The following FBN1 variants were observed in gnomAD, a reference collection of about 807,000 sequenced individuals.
FBN1 encodes fibrillin-1.
FBN1 carries 29 observed loss-of-function variants against 365.1 expected under a neutral mutation model. That is an observed-to-expected ratio of 0.08 (90% CI 0.06 to 0.11). FBN1 has a LOEUF of 0.11. Ranked by LOEUF, FBN1 falls within the 10% of genes least tolerant of loss-of-function variation. The probability of loss-of-function intolerance (pLI) is 1.00; values close to 1 mark genes in which losing one functional copy is unlikely to be tolerated. For missense variants in FBN1, 2,476 were observed against 3,703.2 expected (o/e 0.67, Z 8.60); for synonymous variants, 1,210 against 1,270.5 (o/e 0.95, Z 1.01).
chr15:48,488,427 C>G lies in FBN1; in HGVS notation c.3149G>C (p.Ser1050Thr), dbSNP rs987202268. The part of the protein sequence containing the change: ...THGKCRNTIG[S>T]FKCRCDSGFA... ...GCCGCTGTCACACCTGCACTTAAAG[C>G]TGCCAATGGTGTTTCTGCACTTGCC... The change falls in exon 26 of 66, where the codon AGC (serine) becomes ACC (threonine). Residue 1050 changes from serine (S) to threonine (T), a missense_variant. This residue lies in a region of FBN1 where 1,780 missense variants were observed against 2,840.8 expected (regional missense o/e 0.63). Coordinates refer to ENST00000316623, the MANE Select transcript of FBN1 (RefSeq NM_000138.5). 2.5e-6 allele frequency: 4 copies of G among 1,614,234 alleles called. No homozygotes were observed. The highest frequency in any genetic ancestry group is 3.4e-6 in the Non-Finnish European group (4 of 1,180,036).
chr15:48,412,908 G>A (rs1214071705), intron 64 of FBN1, among the ~76,000 whole-genome samples, 165 bp from the exon 65 acceptor site: 1 of 152,206 alleles, frequency 6.6e-6, no homozygotes, highest in African/African-American at 2.4e-5. Context: ...TCCTCTGTTT[G>A]GCCTCTAATT....
chr15:48,530,723 C>T (rs933436613), intron 8 of FBN1, among the ~76,000 whole-genome samples: 2 of 152,146 alleles, frequency 1.3e-5, no homozygotes. Flanking sequence ...GAGCCCCTAA[C>T]AGTAAGTAGC....
At chr15:48,437,453 T>G in intron 51 of FBN1, 66 bp from the exon 52 acceptor site, 1 of 1,354,598 alleles carries the variant, frequency 7.4e-7, no homozygotes, top group Non-Finnish European at 1.1e-6. Context: ...TCCACAAGTA[T>G]TTTGAGGTAG....
chr15:48,482,254 T>A (rs1051615030), intron 31 of FBN1, among the ~76,000 whole-genome samples: 36 of 152,224 alleles, frequency 2.4e-4, no homozygotes, highest in Admixed American at 2.0e-4. Flanking sequence ...TTCATTTTAA[T>A]TCTAGGACTT....
At chr15:48,460,073 G>T (rs977230182) in intron 43 of FBN1, among the ~76,000 whole-genome samples, 173 bp downstream of exon 43, 1 of 152,228 alleles carries the variant, frequency 6.6e-6, no homozygotes, top group African/African-American at 2.4e-5. Flanking sequence ...CAATTAGGTG[G>T]AGCTGCACAG....
chr15:48,445,437 C>T lies in FBN1; in HGVS notation c.5856G>A (p.Gly1952=), dbSNP rs763490270. Residue 1952 remains glycine (G), a synonymous_variant, in exon 48 of 66, where the codon GGG becomes GGA. Coordinates refer to ENST00000316623, the MANE Select transcript of FBN1 (RefSeq NM_000138.5). ...CRNGQCINTV[G]SFQCQCNEGY... is the part of the protein sequence containing the mutation. ...CTTCATTGCACTGGCACTGGAAAGACCCCACTGTATTAATGCATTGGCCAT... is the reference window on the plus strand; with the variant it reads ...CTTCATTGCACTGGCACTGGAAAGATCCCACTGTATTAATGCATTGGCCAT... 3.1e-6 allele frequency: 5 copies of T among 1,612,600 alleles called. No homozygotes were observed. Among genetic ancestry groups the T allele is most frequent in the Non-Finnish European group, 4.2e-6 (5 of 1,179,180 alleles).
chr15:48,562,931 G>A (rs2044234331), intron 6 of FBN1, among the ~76,000 whole-genome samples: 1 of 152,168 alleles, frequency 6.6e-6, no homozygotes, highest in South Asian at 2.1e-4. Flanking sequence ...TAAATGAAGA[G>A]ATTGTACCAA....
At chr15:48,575,466 A>G (rs180959856) in intron 6 of FBN1, among the ~76,000 whole-genome samples, 45 of 152,208 alleles carry the variant, frequency 3.0e-4, no homozygotes, top group African/African-American at 1.1e-3. Flanking sequence ...CATTGTACCC[A>G]ATAGGTAATT....
intron 42 of FBN1, 35 bp downstream of exon 42, chr15:48,463,047 C>A (rs1280512415): frequency 3.1e-6 from 5 of 1,599,786 alleles, no homozygotes; most frequent in Non-Finnish European, 3.4e-6. Flanking sequence ...AATTTTTCAA[C>A]CTATATTTTT....
intron 45 of FBN1, 64 bp from the exon 46 acceptor site, chr15:48,448,957 C>T: frequency 7.3e-7 from 1 of 1,363,604 alleles, no homozygotes; most frequent in South Asian, 1.2e-5. Flanking sequence ...TAACTTACTT[C>T]TAGCTATCAT....
intron 6 of FBN1, among the ~76,000 whole-genome samples, chr15:48,582,080 C>T (rs1467004379): frequency 3.3e-5 from 5 of 152,212 alleles, no homozygotes; most frequent in Admixed American, 1.3e-4. Flanking sequence ...CTCTACCTGA[C>T]ACTGTTGTGT....
At chr15:48,465,763 GC>G (rs1566903987) in intron 39 of FBN1, 26 bp downstream of exon 39, 1 of 1,610,518 alleles carries the variant, frequency 6.2e-7, no homozygotes, top group South Asian at 1.1e-5. Context: ...AGTTGTGTGT[GC>G]TTTAAGACAA....
At chr15:48,564,790 C>T (rs1741944877) in intron 6 of FBN1, among the ~76,000 whole-genome samples, 1 of 152,064 alleles carries the variant, frequency 6.6e-6, no homozygotes. Context: ...AAAAGGATGC[C>T]ACGTGGAAGA....
chr15:48,414,962 GT>G (rs1188186774), intron 64 of FBN1, among the ~76,000 whole-genome samples: 1 of 151,300 alleles, frequency 6.6e-6, no homozygotes, highest in African/African-American at 2.4e-5. Flanking sequence ...TTGGTGAAGT[GT>G]TTTTTTTGTT....
chr15:48,425,539 T>C (rs2042972527), intron 59 of FBN1, 48 bp from the exon 60 acceptor site: 4 of 1,612,672 alleles, frequency 2.5e-6, no homozygotes, highest in African/African-American at 1.3e-5. Flanking sequence ...AAATGATGTG[T>C]ACACGCTCAA....
At chr15:48,508,482 T>A (rs2043729603) in intron 15 of FBN1, 100 bp downstream of exon 15, 7 of 1,537,026 alleles carry the variant, frequency 4.6e-6, no homozygotes, top group Non-Finnish European at 6.3e-6. Context: ...TCAAGGTACT[T>A]TAAGTGGGGA....
At chr15:48,532,482 G>C (rs2043981337) in intron 8 of FBN1, among the ~76,000 whole-genome samples, 1 of 144,008 alleles carries the variant, frequency 6.9e-6, no homozygotes, top group Non-Finnish European at 1.5e-5. Flanking sequence ...GTATATGTGT[G>C]TGTGTGTGTA....
intron 2 of FBN1, among the ~76,000 whole-genome samples, chr15:48,635,299 CA>C (rs968949596): frequency 6.6e-6 from 1 of 151,370 alleles, no homozygotes; most frequent in Non-Finnish European, 1.5e-5. Flanking sequence ...TAACTTCAAC[CA>C]AAAAAAAGTC....
intron 32 of FBN1, among the ~76,000 whole-genome samples, chr15:48,480,210 T>C (rs2043455835): frequency 6.6e-6 from 1 of 152,180 alleles, no homozygotes; most frequent in Non-Finnish European, 1.5e-5. Flanking sequence ...TTCATAAGCA[T>C]CACTGCCTCT....
Sources: allele counts gnomAD v4.1 joint callset (sites outside exome capture counted in the v4.1 genomes callset), GRCh38; gene constraint gnomAD v4.1.1; regional missense constraint gnomAD v4.1.1; transcripts MANE v1.5; gene names NCBI Gene and HGNC (gene_info 2026-07-23, HGNC 2026-07-21).